The following SPATA22 variants were observed in gnomAD, a reference collection of about 807,000 sequenced individuals.
The protein encoded by SPATA22 is spermatogenesis-associated protein 22.
Under a neutral mutation model 47.8 loss-of-function variants are expected in SPATA22, and 29 were observed. That is an observed-to-expected ratio of 0.61 (90% CI 0.45 to 0.83). The LOEUF is 0.83. SPATA22 is among the 40% of genes least tolerant of loss of function. SPATA22 has a pLI of 0.00. For synonymous variants in SPATA22, 133 were observed against 140.9 expected, an observed-to-expected ratio of 0.94 and a Z score of 0.40; for missense variants, 410 against 421.7, an observed-to-expected ratio of 0.97 and a Z score of 0.24.
chr17:3,451,392 T>C (rs531520222), intron 5 of SPATA22, among the ~76,000 whole-genome samples: 18 of 152,240 alleles, frequency 1.2e-4, no homozygotes, highest in Admixed American at 1.0e-3. Flanking sequence ...CTTTTAATAA[T>C]AGATAAATCA....
At chr17:3,464,240 C>T (rs1246349461) in intron 3 of SPATA22, among the ~76,000 whole-genome samples, 1 of 151,884 alleles carries the variant, frequency 6.6e-6, no homozygotes, top group Admixed American at 6.6e-5. Flanking sequence ...CCTCGGCCTC[C>T]GGAGGTGCCG....
chr17:3,494,436 G>T, intron 1 of SPATA22: 1 of 1,609,482 alleles, frequency 6.2e-7, no homozygotes, highest in Admixed American at 1.7e-5. Context: ...AGAAATTGCT[G>T]CTATCATCCA....
At chr17:3,494,295 C>A in intron 1 of SPATA22, 1 of 1,382,692 alleles carries the variant, frequency 7.2e-7, no homozygotes, top group Non-Finnish European at 1.0e-6. Flanking sequence ...TGAGCCACCA[C>A]ACCCGGCCCA....
chr17:3,453,509 A>AATT (rs1300614841), intron 5 of SPATA22, among the ~76,000 whole-genome samples: 2 of 152,178 alleles, frequency 1.3e-5, no homozygotes, highest in Non-Finnish European at 2.9e-5. Context: ...CAACACAATA[A>AATT]AGGTCATTTG....
At chr17:3,461,528 C>G (rs906898760) in intron 5 of SPATA22, among the ~76,000 whole-genome samples, 13 of 152,178 alleles carry the variant, frequency 8.5e-5, no homozygotes, top group Non-Finnish European at 1.5e-5. Flanking sequence ...AACAATGTCT[C>G]TAAGAACCAT....
chr17:3,442,194 C>T (rs1195086251), intron 8 of SPATA22, among the ~76,000 whole-genome samples: 1 of 151,972 alleles, frequency 6.6e-6, no homozygotes, highest in East Asian at 1.9e-4. Flanking sequence ...AAATAATACA[C>T]ATTCAAGATA....
At chr17:3,464,685 G>T (rs1419333295) in intron 3 of SPATA22, among the ~76,000 whole-genome samples, 1 of 144,262 alleles carries the variant, frequency 6.9e-6, no homozygotes, top group African/African-American at 2.6e-5. Context: ...CCGTCTGGGA[G>T]GTGAGGAGCG....
intron 5 of SPATA22, among the ~76,000 whole-genome samples, chr17:3,458,370 T>C (rs1270207147): frequency 6.6e-6 from 1 of 152,162 alleles, no homozygotes; most frequent in East Asian, 1.9e-4. Context: ...TGTACACTCT[T>C]GGTGGAAATG....
At chr17:3,481,940 G>A (rs559247127) in intron 1 of SPATA22, 1 of 765,478 alleles carries the variant, frequency 1.3e-6, no homozygotes, top group African/African-American at 1.7e-5. Flanking sequence ...TTGGTGGTTG[G>A]GGGGAAAGGG....
At chr17:3,505,907 G>A (rs540352006) in intron 1 of SPATA22, among the ~76,000 whole-genome samples, 3 of 152,120 alleles carry the variant, frequency 2.0e-5, no homozygotes, top group Admixed American at 2.0e-4. Context: ...ACAGGCATGC[G>A]CCAGCAAGCC....
chr17:3,456,771 T>C (rs1395657620), intron 5 of SPATA22, among the ~76,000 whole-genome samples: 2 of 151,702 alleles, frequency 1.3e-5, no homozygotes, highest in Non-Finnish European at 2.9e-5. Flanking sequence ...ACCAATATCC[T>C]TGATGAACAT....
intron 1 of SPATA22, chr17:3,501,926 C>T (rs1255161535): frequency 1.3e-5 from 2 of 150,918 alleles, no homozygotes; most frequent in Non-Finnish European, 2.9e-5. Context: ...GCACTCCAGC[C>T]TGGTGGACAC....
At chr17:3,472,154 G>T (rs1365127458), upstream of SPATA22, 1 of 152,462 alleles carries the variant, frequency 6.6e-6, no homozygotes, top group Non-Finnish European at 1.5e-5. Flanking sequence ...TGGCCACCCA[G>T]AGTGTGCCCA....
Position 3,446,495 on chromosome 17 carries a change from G to A in SPATA22, c.779C>T (p.Thr260Ile). The A allele has an allele frequency of 1.2e-6, 2 of 1,606,196 alleles. No individual in the cohort carries two copies. Among genetic ancestry groups the A allele is most frequent in the South Asian group, 1.1e-5 (1 of 88,854 alleles). ...MKYWREHAQKTVLLFEVLAVL... is the reference protein window; with the variant it reads ...MKYWREHAQKIVLLFEVLAVL... ...ACCTAATACTTCAAAAAGAAGTACA[G>A]TTTTCTGTGCATGTTCACGCCAATA... is the stretch of plus-strand genomic sequence containing the variant. The change falls in exon 7 of 9, where the codon ACT becomes ATT. Residue 260 changes from threonine (T) to isoleucine (I), a missense_variant. Thr to Ile is a moderately conservative substitution (Grantham distance 89). Transcript: ENST00000572969.
intron 1 of SPATA22, chr17:3,494,475 T>G (rs754631828): frequency 6.4e-7 from 1 of 1,568,834 alleles, no homozygotes; most frequent in African/African-American, 1.4e-5. Context: ...ATTTGTTCTT[T>G]CTTTAAAATG....
Position 3,449,012 on chromosome 17 carries a change from T to C in SPATA22, c.467A>G (p.Lys156Arg), listed in dbSNP as rs2072792777. The C allele has an allele frequency of 6.2e-7, 1 of 1,613,948 alleles. No homozygotes were observed. Among genetic ancestry groups the C allele is most frequent in the African/African-American group, 1.3e-5 (1 of 74,902 alleles). Residue 156 changes from lysine to arginine, a missense_variant, in exon 6 of 9, where the codon AAA becomes AGA. Physicochemically the swap from Lys to Arg is conservative, Grantham distance 26. Coordinates refer to ENST00000572969, the MANE Select transcript of SPATA22 (RefSeq NM_001170698.2). ...CPVSSGAQQQ[K>R]QLRIPEPPNL... ...AGGAGGTTCAGGTATTCTTAATTGT[T>C]TTTGTTGTTGAGCTCCCGAACTCAC...
At chr17:3,464,889 G>GT (rs1491227296) in intron 3 of SPATA22, among the ~76,000 whole-genome samples, 889 of 72,684 alleles carry the variant, frequency 0.012, 67 homozygotes, top group African/African-American at 0.033. Flanking sequence ...GGAGGGGGGT[G>GT]GGGGGGGGTC....
intron 1 of SPATA22, among the ~76,000 whole-genome samples, chr17:3,493,103 T>C (rs2035939): frequency 0.44 from 67,471 of 151,976 alleles, 16,369 homozygotes; most frequent in Non-Finnish European, 0.55. Context: ...GTTCATCCTG[T>C]TTGCTCAGAG....
At chr17:3,474,418 C>G (rs1290721731), upstream of SPATA22, among the ~76,000 whole-genome samples, 1 of 152,110 alleles carries the variant, frequency 6.6e-6, no homozygotes, top group Non-Finnish European at 1.5e-5. Context: ...GAAAAGAAAC[C>G]AAGCATAGTA....
Sources: allele counts gnomAD v4.1 joint callset (sites outside exome capture counted in the v4.1 genomes callset), GRCh38; gene constraint gnomAD v4.1.1; transcripts MANE v1.5; gene names NCBI Gene and HGNC (gene_info 2026-07-23, HGNC 2026-07-21).